CTNND2: variants seen among roughly 807,000 people sequenced by gnomAD.
The protein encoded by CTNND2 is catenin delta-2.
In CTNND2, 22 loss-of-function variants were observed where a neutral mutation model predicts 144.4. The observed-to-expected ratio is 0.15, with a 90% CI of 0.11 to 0.22. The LOEUF (loss-of-function observed/expected upper bound fraction) is 0.22, where lower values mean the gene tolerates loss of function less well. CTNND2 is among the 10% of genes least tolerant of loss of function. The probability of loss-of-function intolerance (pLI) is 1.00; values close to 1 mark genes in which losing one functional copy is unlikely to be tolerated. For missense variants in CTNND2, 1,353 were observed against 1,618.8 expected (o/e 0.84, Z 2.82); for synonymous variants, 751 against 695.6 (o/e 1.08, Z -1.25).
At chr5:10,976,140 A>G (rs1736441797) in intron 21 of CTNND2, among the ~76,000 whole-genome samples, 1 of 152,160 alleles carries the variant, frequency 6.6e-6, no homozygotes, top group Admixed American at 6.5e-5. Context: ...CTCTTGTGGT[A>G]TGGACATTTC....
Position 11,057,318 on chromosome 5 carries a change from C to T in CTNND2, c.2788+25378G>A, listed in dbSNP as rs542991230. 2.6e-5 allele frequency among the ~76,000 whole-genome samples: 4 copies of T among 152,242 alleles called. 1 individual carries two copies. Among genetic ancestry groups the T allele is most frequent in the Middle Eastern group, 6.8e-3 (2 of 294 alleles). On this transcript the variant is annotated intron_variant, in intron 16 of 21. Coordinates refer to ENST00000304623, the MANE Select transcript of CTNND2 (RefSeq NM_001332.4). ...TGAATTGTAACTCCCACAATTCCCACGTGTTGTTGGAGGGACCCAGTGGGA... is the reference window on the plus strand; with the variant it reads ...TGAATTGTAACTCCCACAATTCCCATGTGTTGTTGGAGGGACCCAGTGGGA...
intron 11 of CTNND2, among the ~76,000 whole-genome samples, chr5:11,182,350 C>T (rs532467877): frequency 7.3e-4 from 111 of 152,010 alleles, no homozygotes; most frequent in Admixed American, 8.5e-4. Flanking sequence ...TTTGCATGCA[C>T]CCACCTTCGT....
At chr5:11,832,081 A>G (rs1173089378) in intron 1 of CTNND2, among the ~76,000 whole-genome samples, 11 of 152,002 alleles carry the variant, frequency 7.2e-5, no homozygotes, top group African/African-American at 2.7e-4. Flanking sequence ...CAAGAGATCG[A>G]GACCATCCTG....
intron 14 of CTNND2, among the ~76,000 whole-genome samples, chr5:11,106,232 G>C (rs567796077): frequency 2.0e-5 from 3 of 152,284 alleles, no homozygotes; most frequent in East Asian, 1.9e-4. Flanking sequence ...AGTGATTAAG[G>C]GGGTAGGTGA....
chr5:11,823,032 T>G (rs936344916), intron 1 of CTNND2, among the ~76,000 whole-genome samples: 1 of 152,210 alleles, frequency 6.6e-6, no homozygotes, highest in African/African-American at 2.4e-5. Context: ...CCTGTTAAAA[T>G]TACTCAATTA....
chr5:11,047,221 A>T (rs1419123116), intron 16 of CTNND2, among the ~76,000 whole-genome samples: 2 of 152,200 alleles, frequency 1.3e-5, no homozygotes, highest in Non-Finnish European at 2.9e-5. Context: ...TTCAGAAAGC[A>T]GGGAAAGCTG....
chr5:11,646,080 C>CTTTT lies in CTNND2; in HGVS notation c.175-81028_175-81025dup, dbSNP rs1308267739. Among the ~76,000 whole-genome samples the CTTTT allele has an allele frequency of 7.9e-5, 12 of 151,886 alleles. No homozygotes were observed. In the South Asian group the frequency reaches 2.5e-3, roughly 32 times the overall value. On this transcript the variant is annotated intron_variant, in intron 2 of 21. Coordinates refer to ENST00000304623, the MANE Select transcript of CTNND2 (RefSeq NM_001332.4). ...CTTTCCTTTTCTTTTTCTTTCTGTCCTTTTTTCTTCTCTGTCCTTTTTTCT... is the reference window on the plus strand; with the variant it reads ...CTTTCCTTTTCTTTTTCTTTCTGTCCTTTTTTTTTTCTTCTCTGTCCTTTTTTCT...
intron 1 of CTNND2, among the ~76,000 whole-genome samples, chr5:11,868,498 A>T (rs1474506090): frequency 1.3e-5 from 2 of 152,308 alleles, no homozygotes; most frequent in East Asian, 3.9e-4. Flanking sequence ...CAACTCAACA[A>T]GAAGAAGAAA....
At chr5:11,160,008 G>T (rs1758612230) in intron 11 of CTNND2, among the ~76,000 whole-genome samples, 1 of 152,178 alleles carries the variant, frequency 6.6e-6, no homozygotes, top group Admixed American at 6.5e-5. Flanking sequence ...CATAATCAAG[G>T]TTGCGAGGTC....
intron 1 of CTNND2, among the ~76,000 whole-genome samples, chr5:11,782,395 G>A (rs556774923): frequency 2.0e-3 from 191 of 95,580 alleles, no homozygotes; most frequent in Non-Finnish European, 3.2e-3. Flanking sequence ...AAATTTTTAA[G>A]AAAATGAGAT....
In CTNND2 at chr5:11,230,908, C is replaced by T. The variant is rs1414097842; in HGVS notation, c.1761+5783G>A. ...CTGGAGATTGCTGAGCTAGATCCCA[C>T]CCAGCCCTCCCTCCTCAGTTCACCT... On this transcript the variant is annotated intron_variant, in intron 10 of 21. Transcript: ENST00000304623. 1.3e-5 allele frequency among the ~76,000 whole-genome samples: 2 copies of T among 151,448 alleles called. 1 individual carries two copies. Among genetic ancestry groups the T allele is most frequent in the Non-Finnish European group, 2.9e-5 (2 of 67,804 alleles).
chr5:11,145,696 G>A (rs1274468970), intron 12 of CTNND2, among the ~76,000 whole-genome samples: 1 of 152,144 alleles, frequency 6.6e-6, no homozygotes, highest in Non-Finnish European at 1.5e-5. Context: ...GGGAATGGCT[G>A]CATTTGTATA....
intron 2 of CTNND2, among the ~76,000 whole-genome samples, chr5:11,713,233 C>T (rs1786137023): frequency 6.6e-6 from 1 of 152,048 alleles, no homozygotes; most frequent in Non-Finnish European, 1.5e-5. Flanking sequence ...ATTAGAAGGG[C>T]TGAAATTAAA....
intron 10 of CTNND2, among the ~76,000 whole-genome samples, chr5:11,210,946 TATGACCTTTGCAATA>T (rs775288833): frequency 4.6e-5 from 7 of 152,084 alleles, no homozygotes; most frequent in Non-Finnish European, 1.0e-4. Flanking sequence ...AGGGAGCAAA[TATGACCTTTGCAATA>T]ATGAAAACTG....
At chr5:11,627,550 T>C (rs1781218838) in intron 2 of CTNND2, among the ~76,000 whole-genome samples, 1 of 151,958 alleles carries the variant, frequency 6.6e-6, no homozygotes. Context: ...AAAATTACTA[T>C]GGGTAACAGT....
intron 13 of CTNND2, among the ~76,000 whole-genome samples, chr5:11,117,199 C>T (rs529257744): frequency 6.6e-6 from 1 of 151,800 alleles, no homozygotes; most frequent in Admixed American, 6.6e-5. Flanking sequence ...AACTGGAACA[C>T]CTGTGGTTTG....
At chr5:10,983,663 A>G (rs1341156774) in intron 20 of CTNND2, among the ~76,000 whole-genome samples, 1 of 152,118 alleles carries the variant, frequency 6.6e-6, no homozygotes, top group South Asian at 2.1e-4. Context: ...TCTCTGGACC[A>G]TTGCTACCAA....
At chr5:11,709,590 A>G (rs1174071181) in intron 2 of CTNND2, among the ~76,000 whole-genome samples, 1 of 152,198 alleles carries the variant, frequency 6.6e-6, no homozygotes, top group Non-Finnish European at 1.5e-5. Context: ...CTTGCTAAGA[A>G]TACAGCGTGA....
At chr5:11,812,595 C>A (rs916674354) in intron 1 of CTNND2, among the ~76,000 whole-genome samples, 3 of 152,098 alleles carry the variant, frequency 2.0e-5, no homozygotes, top group Non-Finnish European at 4.4e-5. Flanking sequence ...CATTGTTAGA[C>A]CCCATCCAGG....
Sources: allele counts gnomAD v4.1 joint callset (sites outside exome capture counted in the v4.1 genomes callset), GRCh38; gene constraint gnomAD v4.1.1; transcripts MANE v1.5; gene names NCBI Gene and HGNC (gene_info 2026-07-23, HGNC 2026-07-21).